SLC35E1: variants seen among roughly 807,000 people sequenced by gnomAD.
SLC35E1 encodes solute carrier family 35 member E1.
In SLC35E1, 12 loss-of-function variants were observed where a neutral mutation model predicts 31.0. The ratio of observed to expected loss-of-function variants is 0.39; its 90% CI spans 0.25 to 0.63. The LOEUF is 0.63. Ranked by LOEUF, SLC35E1 falls within the 20% of genes least tolerant of loss-of-function variation. SLC35E1 has a pLI of 0.52. For missense variants in SLC35E1, 429 were observed against 572.2 expected, an observed-to-expected ratio of 0.75 and a Z score of 2.55; for synonymous variants, 257 against 264.1, an observed-to-expected ratio of 0.97 and a Z score of 0.26.
Position 16,552,429 on chromosome 19 carries a change from G to A in SLC35E1, c.*1250C>T, listed in dbSNP as rs2085850265. ...GGCTCACCACAACTTCTGCCTCCCAGGTTCAAGCAATTCGCCTGCCTCAGC... is the reference window on the plus strand; with the variant it reads ...GGCTCACCACAACTTCTGCCTCCCAAGTTCAAGCAATTCGCCTGCCTCAGC... On this transcript the variant is annotated 3_prime_UTR_variant, in exon 6 of 6. Transcript: ENST00000595753. 3 of 151,776 alleles carry A rather than the reference G, an allele frequency of 2.0e-5. No individual in the cohort carries two copies. Among genetic ancestry groups the A allele is most frequent in the Admixed American group, 1.3e-4 (2 of 15,212 alleles). 9.4% of individuals were successfully genotyped at this position (151,776 alleles called of 1,614,324 possible). A position where few individuals can be genotyped will look rare whatever the true frequency, so the allele number is the denominator to read the frequency against.
intron 5 of SLC35E1, among the ~76,000 whole-genome samples, chr19:16,554,819 C>T (rs146864614): frequency 0.015 from 1,531 of 98,928 alleles, 27 homozygotes; most frequent in African/African-American, 0.057. Context: ...GACTCCATCT[C>T]GAAAAAAAAA....
At chr19:16,561,254 A>G (rs1296921351) in intron 4 of SLC35E1, among the ~76,000 whole-genome samples, 14 of 149,892 alleles carry the variant, frequency 9.3e-5, no homozygotes, top group Non-Finnish European at 1.9e-4. Context: ...GAAAGAAAAG[A>G]AAAGAGAAAG....
intron 4 of SLC35E1, chr19:16,564,934 A>G: frequency 3.1e-6 from 1 of 326,270 alleles, no homozygotes; most frequent in Non-Finnish European, 6.1e-6. Context: ...TGATTGGGAA[A>G]ATAGAGGTAA....
chr19:16,568,302 G>T, intron 2 of SLC35E1, 133 bp from the exon 3 acceptor site: 1 of 1,236,300 alleles, frequency 8.1e-7, no homozygotes, highest in Non-Finnish European at 1.1e-6. Flanking sequence ...AGTGGTGTTT[G>T]CTGTGCCAGT....
At chr19:16,566,347 A>C in intron 4 of SLC35E1, 185 bp downstream of exon 4, 1 of 730,920 alleles carries the variant, frequency 1.4e-6, no homozygotes, top group Admixed American at 3.1e-5. Flanking sequence ...ATACACAGGA[A>C]ACCCACTTCC....
chr19:16,571,801 C>G, intron 1 of SLC35E1, 143 bp downstream of exon 1: 3 of 970,538 alleles, frequency 3.1e-6, no homozygotes, highest in Non-Finnish European at 4.5e-6. Context: ...CGTGCGTGTC[C>G]CTCCCCTACC....
chr19:16,558,934 TA>T (rs1384677388), intron 4 of SLC35E1, among the ~76,000 whole-genome samples: 2 of 150,372 alleles, frequency 1.3e-5, no homozygotes, highest in Non-Finnish European at 3.0e-5. Context: ...CACGCCCAGC[TA>T]ATTTTTGTAT....
intron 5 of SLC35E1, 37 bp from the exon 6 acceptor site, chr19:16,553,946 C>T (rs765382966): frequency 1.3e-5 from 20 of 1,532,478 alleles, no homozygotes; most frequent in African/African-American, 2.8e-5. Context: ...AGGACATGCC[C>T]GGGGCATAAG....
At chr19:16,570,792 CTCT>C (rs2085953776) in intron 2 of SLC35E1, among the ~76,000 whole-genome samples, 2 of 152,188 alleles carry the variant, frequency 1.3e-5, no homozygotes, top group South Asian at 2.1e-4. Flanking sequence ...TGACAGAAAT[CTCT>C]TGTCAAGAAG....
At chr19:16,558,487 G>GC (rs767054591) in intron 4 of SLC35E1, among the ~76,000 whole-genome samples, 90 of 150,888 alleles carry the variant, frequency 6.0e-4, no homozygotes, top group Non-Finnish European at 1.1e-3. Flanking sequence ...CAGGTGTGCC[G>GC]CACCACACCT....
intron 2 of SLC35E1, among the ~76,000 whole-genome samples, chr19:16,569,436 T>C (rs1419806054): frequency 4.6e-5 from 7 of 152,208 alleles, no homozygotes; most frequent in Admixed American, 2.6e-4. Flanking sequence ...CAATAGCTGC[T>C]AGCTGAATGA....
At position 16,566,555 on chromosome 19, in the gene SLC35E1, C is replaced by A; in HGVS notation, c.733G>T (p.Ala245Ser). Residue 245 changes from alanine (A) to serine (S), a missense_variant, in exon 4 of 6, where the codon GCT becomes TCT. Transcript: ENST00000595753. Reference protein sequence around the residue: ...IPTWVLVDLSAFLVSSDLTYV... With the variant: ...IPTWVLVDLSSFLVSSDLTYV... ...ACCAAGTCGCTGCTGACCAGGAAAG[C>A]CGAGAGGTCCACCAGAACCCAGGTG... The A allele has an allele frequency of 6.2e-7, 1 of 1,612,708 alleles. No homozygotes were observed. The highest frequency in any genetic ancestry group is 8.5e-7 in the Non-Finnish European group (1 of 1,180,010).
chr19:16,564,813 C>T (rs754725565), intron 4 of SLC35E1, among the ~76,000 whole-genome samples: 9 of 152,160 alleles, frequency 5.9e-5, no homozygotes, highest in South Asian at 2.1e-4. Context: ...CTGCCTTTCT[C>T]GTACCATACT....
intron 4 of SLC35E1, among the ~76,000 whole-genome samples, chr19:16,557,638 G>A (rs1366099760): frequency 6.6e-6 from 1 of 152,168 alleles, no homozygotes; most frequent in African/African-American, 2.4e-5. Context: ...TGATCCGTGT[G>A]TCCTTGGGAG....
At position 16,553,756 on chromosome 19, in the gene SLC35E1, T is replaced by C. The variant is rs1347822399; in HGVS notation, c.1156A>G (p.Asn386Asp). 1 of 1,612,228 alleles carries C rather than the reference T, an allele frequency of 6.2e-7. No individual in the cohort carries two copies. Among genetic ancestry groups the C allele is most frequent in the Non-Finnish European group, 8.5e-7 (1 of 1,178,988 alleles). Residue 386 changes from asparagine to aspartate, a missense_variant, in exon 6 of 6, where the codon AAC (asparagine) becomes GAC (aspartate). Coordinates refer to ENST00000595753, the MANE Select transcript of SLC35E1 (RefSeq NM_024881.5). ...QHGDYQYGRN[N>D]ILTDHFQYSR... ...TATTGGAAGTGGTCTGTTAAGATGT[T>C]GTTGCGGCCGTACTGATAGTCCCCG...
chr19:16,556,932 A>AC (rs1299963802), intron 4 of SLC35E1: 1 of 471,624 alleles, frequency 2.1e-6, no homozygotes. Flanking sequence ...CCTGTGCCAT[A>AC]CACCCTGCAG....
intron 1 of SLC35E1, 60 bp downstream of exon 1, chr19:16,571,884 G>A (rs1172926838): frequency 4.0e-6 from 6 of 1,496,572 alleles, no homozygotes; most frequent in East Asian, 5.0e-5. Flanking sequence ...TCCTATCCAT[G>A]CGCCCAAACC....
At chr19:16,566,853 T>C (rs1212024875) in intron 3 of SLC35E1, among the ~76,000 whole-genome samples, 196 bp from the exon 4 acceptor site, 1 of 152,084 alleles carries the variant, frequency 6.6e-6, no homozygotes, top group Non-Finnish European at 1.5e-5. Context: ...CATAAACGAC[T>C]GAGAAAAGAA....
chr19:16,568,164 G>C lies in SLC35E1; in HGVS notation c.498C>G (p.Tyr166Ter). Residue 166 changes from tyrosine to a stop codon, truncating the protein, a stop_gained, in exon 3 of 6, where the codon TAC (tyrosine) becomes TAG (stop). Coordinates refer to ENST00000595753, the MANE Select transcript of SLC35E1 (RefSeq NM_024881.5). LOFTEE classifies it high-confidence loss of function. ...CGCTGATGATGGGGATGAGTGACAA[G>C]TATACCTGCAGGAAGAGGTCATCAA... ...IMKEKQSTKV[Y>*]LSLIPIISGV... 6.2e-7 allele frequency: 1 copy of C among 1,609,554 alleles called. No individual in the cohort carries two copies. Among genetic ancestry groups the C allele is most frequent in the South Asian group, 1.1e-5 (1 of 90,624 alleles).
Sources: allele counts gnomAD v4.1 joint callset (sites outside exome capture counted in the v4.1 genomes callset), GRCh38; gene constraint gnomAD v4.1.1; transcripts MANE v1.5; gene names NCBI Gene and HGNC (gene_info 2026-07-23, HGNC 2026-07-21).